CEP126: variants seen among roughly 807,000 people sequenced by gnomAD.
CEP126 encodes centrosomal protein 126.
A neutral mutation model predicts 107.8 loss-of-function variants in CEP126; 74 were observed. That is an observed-to-expected ratio of 0.69 (90% CI 0.57 to 0.83). The LOEUF is 0.83. CEP126 is among the 40% of genes least tolerant of loss of function. CEP126 has a pLI of 0.00. For missense variants in CEP126, 1,237 were observed against 1,281.9 expected (o/e 0.96, Z 0.53); for synonymous variants, 449 against 446.0 (o/e 1.01, Z -0.08).
In CEP126 at chr11:101,964,173, C is replaced by T. The variant is rs182245808; in HGVS notation, c.2845+293C>T. Reference sequence around the variant, plus strand: ...GAAAAGTTAGCCCGGCATGGTGGTGCGTGCCTATAGTCCCAGCTACTCGGG... The same window carrying T: ...GAAAAGTTAGCCCGGCATGGTGGTGTGTGCCTATAGTCCCAGCTACTCGGG... On this transcript the variant is annotated intron_variant, in intron 6 of 10. Coordinates refer to ENST00000263468, the MANE Select transcript of CEP126 (RefSeq NM_020802.4). Among the ~76,000 whole-genome samples the T allele has an allele frequency of 2.6e-3, 388 of 151,592 alleles. 1 individual carries two copies. The highest frequency in any genetic ancestry group is 9.1e-3 in the African/African-American group (376 of 41,332).
intron 5 of CEP126, among the ~76,000 whole-genome samples, chr11:101,961,289 C>G (rs1353476165): frequency 3.3e-5 from 5 of 152,000 alleles, no homozygotes; most frequent in African/African-American, 1.2e-4. Flanking sequence ...AAAGATGTAG[C>G]CCCTACTAAC....
At chr11:101,996,867 C>T (rs1286897541) in intron 10 of CEP126, among the ~76,000 whole-genome samples, 1 of 152,104 alleles carries the variant, frequency 6.6e-6, no homozygotes, top group African/African-American at 2.4e-5. Flanking sequence ...TTAGTTCCGT[C>T]GGACATTGTT....
intron 6 of CEP126, 125 bp downstream of exon 6, chr11:101,964,005 T>C (rs770237773): frequency 6.3e-5 from 42 of 665,984 alleles, no homozygotes; most frequent in Non-Finnish European, 8.1e-5. Flanking sequence ...AATAGCTTTA[T>C]AGAAATAACT....
intron 2 of CEP126, among the ~76,000 whole-genome samples, chr11:101,938,850 C>T (rs565035397): frequency 6.1e-4 from 93 of 151,840 alleles, no homozygotes; most frequent in African/African-American, 2.1e-3. Flanking sequence ...ACTATGTTTT[C>T]ATTTTTTCTC....
At chr11:101,956,230 A>C (rs1479872785) in intron 4 of CEP126, 1 of 456,368 alleles carries the variant, frequency 2.2e-6, no homozygotes, top group Non-Finnish European at 4.4e-6. Flanking sequence ...CAGCCACTCT[A>C]ATGCCTACCC....
intron 4 of CEP126, among the ~76,000 whole-genome samples, chr11:101,955,419 T>G (rs1940872018): frequency 6.6e-6 from 1 of 152,232 alleles, no homozygotes; most frequent in Admixed American, 6.5e-5. Flanking sequence ...CAGTTGATCC[T>G]GAACTACGTG....
intron 6 of CEP126, among the ~76,000 whole-genome samples, chr11:101,964,872 T>C (rs1264775523): frequency 6.6e-6 from 1 of 152,156 alleles, no homozygotes; most frequent in Non-Finnish European, 1.5e-5. Context: ...GTGAAAAATA[T>C]TGTTTAAATT....
intron 9 of CEP126, among the ~76,000 whole-genome samples, chr11:101,989,351 C>T (rs1180876793): frequency 6.6e-6 from 1 of 152,072 alleles, no homozygotes; most frequent in Non-Finnish European, 1.5e-5. Context: ...TCTAGTGCAT[C>T]GTAACATGTT....
At chr11:101,938,078 G>A (rs973401122) in intron 2 of CEP126, among the ~76,000 whole-genome samples, 7 of 148,632 alleles carry the variant, frequency 4.7e-5, no homozygotes, top group East Asian at 2.0e-4. Context: ...GCGTGAACCC[G>A]GGAAGCGGAG....
At chr11:101,948,622 A>C (rs1023650699) in intron 4 of CEP126, among the ~76,000 whole-genome samples, 1 of 152,162 alleles carries the variant, frequency 6.6e-6, no homozygotes, top group Non-Finnish European at 1.5e-5. Flanking sequence ...TAGAAGTAAT[A>C]GGATGGACCA....
At chr11:101,927,641 AAAGG>A (rs1940432975) in intron 2 of CEP126, among the ~76,000 whole-genome samples, 1 of 152,182 alleles carries the variant, frequency 6.6e-6, no homozygotes, top group Non-Finnish European at 1.5e-5. Context: ...AGTGTTGTAT[AAAGG>A]GGATCATACC....
At chr11:101,990,874 G>A (rs533957623) in intron 9 of CEP126, among the ~76,000 whole-genome samples, 2 of 152,102 alleles carry the variant, frequency 1.3e-5, no homozygotes, top group Non-Finnish European at 2.9e-5. Context: ...TTTGAAATTA[G>A]TAATGTTAGT....
intron 4 of CEP126, among the ~76,000 whole-genome samples, chr11:101,950,198 T>C (rs1354949863): frequency 3.3e-5 from 5 of 151,598 alleles, no homozygotes; most frequent in Admixed American, 3.3e-4. Context: ...TTTAGTGGAG[T>C]GGTGGGGGCA....
intron 1 of CEP126, among the ~76,000 whole-genome samples, chr11:101,917,737 A>C (rs1208854197): frequency 6.6e-6 from 1 of 151,414 alleles, no homozygotes; most frequent in Non-Finnish European, 1.5e-5. Context: ...TCCAGTTTAT[A>C]CCCTATTCTT....
intron 3 of CEP126, among the ~76,000 whole-genome samples, chr11:101,946,141 T>C (rs1458595058): frequency 6.6e-6 from 1 of 151,934 alleles, no homozygotes; most frequent in Admixed American, 6.6e-5. Context: ...TCCATATTCA[T>C]CCTTTTTTTT....
chr11:101,963,859 C>T lies in CEP126; in HGVS notation c.2824C>T (p.His942Tyr), dbSNP rs1275841731. 1 of 1,605,336 alleles carries T rather than the reference C, an allele frequency of 6.2e-7. No individual in the cohort carries two copies. Among genetic ancestry groups the T allele is most frequent in the East Asian group, 2.2e-5 (1 of 44,832 alleles). Residue 942 changes from histidine to tyrosine, a missense_variant, in exon 6 of 11, where the codon CAT becomes TAT. Transcript: ENST00000263468. ...PLWKRGPNVLHQNKRATGSTV... is the reference protein window; with the variant it reads ...PLWKRGPNVLYQNKRATGSTV... Reference sequence around the variant, plus strand: ...ATGGAAAAGAGGTCCTAATGTCCTGCATCAAAATAAGAGGGCTACAGGTAA... The same window carrying T: ...ATGGAAAAGAGGTCCTAATGTCCTGTATCAAAATAAGAGGGCTACAGGTAA...
At chr11:101,947,114 T>C (rs1222680527) in intron 3 of CEP126, among the ~76,000 whole-genome samples, 1 of 152,154 alleles carries the variant, frequency 6.6e-6, no homozygotes, top group South Asian at 2.1e-4. Context: ...TATTTTTGCT[T>C]AAACATTTTA....
chr11:101,969,988 A>C (rs1941106613), intron 6 of CEP126, among the ~76,000 whole-genome samples: 1 of 152,224 alleles, frequency 6.6e-6, no homozygotes, highest in South Asian at 2.1e-4. Context: ...TATAGGTAAT[A>C]CATTTATAAT....
At chr11:101,978,137 A>G (rs1941214015) in intron 6 of CEP126, among the ~76,000 whole-genome samples, 1 of 152,178 alleles carries the variant, frequency 6.6e-6, no homozygotes, top group Non-Finnish European at 1.5e-5. Context: ...TAAACTATAA[A>G]TCCCTCAGAA....
Sources: allele counts gnomAD v4.1 joint callset (sites outside exome capture counted in the v4.1 genomes callset), GRCh38; gene constraint gnomAD v4.1.1; transcripts MANE v1.5; gene names NCBI Gene and HGNC (gene_info 2026-07-23, HGNC 2026-07-21).